Variants in SORCS1 observed in about 807,000 individuals in gnomAD.
SORCS1 encodes the protein sortilin related VPS10 domain containing receptor 1, also known as VPS10 domain-containing receptor SorCS1.
In SORCS1, 60 loss-of-function variants were observed where a neutral mutation model predicts 146.1. That is an observed-to-expected ratio of 0.41 (90% CI 0.33 to 0.51). SORCS1 has a LOEUF of 0.51. SORCS1 is among the 20% of genes least tolerant of loss of function. The pLI is 0.21. For missense variants in SORCS1, 1,352 were observed against 1,487.6 expected (o/e 0.91, Z 1.50); for synonymous variants, 637 against 584.0 (o/e 1.09, Z -1.31).
intron 1 of SORCS1, among the ~76,000 whole-genome samples, chr10:107,110,513 G>A (rs1455870904): frequency 1.3e-5 from 2 of 151,790 alleles, no homozygotes; most frequent in African/African-American, 2.4e-5. Flanking sequence ...GGGAGGAGGG[G>A]CTACAGACTT....
intron 1 of SORCS1, among the ~76,000 whole-genome samples, chr10:107,138,764 G>GA (rs1967553255): frequency 6.6e-6 from 1 of 152,010 alleles, no homozygotes; most frequent in African/African-American, 2.4e-5. Flanking sequence ...CATATTTTGA[G>GA]GAAAAAAATG....
intron 18 of SORCS1, among the ~76,000 whole-genome samples, chr10:106,645,974 T>A (rs1242446679): frequency 6.6e-6 from 1 of 152,116 alleles, no homozygotes; most frequent in Non-Finnish European, 1.5e-5. Context: ...TTAAAATTAG[T>A]ATAATTAGGC....
chr10:106,970,848 C>T lies in SORCS1; in HGVS notation c.559-14268G>A, dbSNP rs951519055. Among the ~76,000 whole-genome samples the T allele has an allele frequency of 3.1e-4, 47 of 152,128 alleles. 1 individual carries two copies. The highest frequency in any genetic ancestry group is 6.2e-4 in the South Asian group (3 of 4,826). ...CCAACTCCCAGGTTCAAGCAATTCT[C>T]CTGACTCAGCCTCCCAAGTAGCTGG... On this transcript the variant is annotated intron_variant, in intron 1 of 25. Transcript: ENST00000263054.
intron 2 of SORCS1, among the ~76,000 whole-genome samples, chr10:106,935,491 A>G (rs1209094410): frequency 6.6e-6 from 1 of 152,178 alleles, no homozygotes; most frequent in Non-Finnish European, 1.5e-5. Context: ...ATGAGTTATA[A>G]TGGATACATT....
chr10:107,130,831 T>A (rs1262026693), intron 1 of SORCS1, among the ~76,000 whole-genome samples: 3 of 152,008 alleles, frequency 2.0e-5, no homozygotes, highest in Admixed American at 2.0e-4. Context: ...CAATGTACAA[T>A]CCAGTTGCGG....
intron 3 of SORCS1, among the ~76,000 whole-genome samples, chr10:106,801,122 T>G (rs1312935264): frequency 6.6e-6 from 1 of 152,188 alleles, no homozygotes; most frequent in Non-Finnish European, 1.5e-5. Flanking sequence ...AACAAAATAT[T>G]TTCTTAATTT....
At chr10:106,769,245 G>C (rs928822911) in intron 4 of SORCS1, among the ~76,000 whole-genome samples, 2 of 151,978 alleles carry the variant, frequency 1.3e-5, no homozygotes, top group African/African-American at 4.8e-5. Context: ...CAGCACTTTG[G>C]GAGGCTGAGG....
intron 15 of SORCS1, among the ~76,000 whole-genome samples, chr10:106,671,870 G>A (rs544728793): frequency 3.2e-4 from 48 of 152,262 alleles, no homozygotes; most frequent in African/African-American, 1.0e-3. Context: ...CCAGACAAGC[G>A]AGAGAGCTAA....
chr10:106,867,212 G>A lies in SORCS1; in HGVS notation c.627-37539C>T, dbSNP rs1950251796. 2.0e-5 allele frequency among the ~76,000 whole-genome samples: 3 copies of A among 152,084 alleles called. No homozygotes were observed. The South Asian group carries it at 6.2e-4, about 32-fold the overall frequency. ...GAAAAAAGGTAGGTCACCTACAAAGGGAATCCCATGAGGCTAACAGTAGAC... is the reference window on the plus strand; with the variant it reads ...GAAAAAAGGTAGGTCACCTACAAAGAGAATCCCATGAGGCTAACAGTAGAC... On this transcript the variant is annotated intron_variant, in intron 2 of 25. Coordinates refer to ENST00000263054, the MANE Select transcript of SORCS1 (RefSeq NM_052918.5).
At chr10:106,881,062 G>A (rs1261365838) in intron 2 of SORCS1, among the ~76,000 whole-genome samples, 3 of 120,076 alleles carry the variant, frequency 2.5e-5, no homozygotes, top group Non-Finnish European at 4.8e-5. Context: ...GGGCAACAGA[G>A]CAAGACTCTG....
intron 4 of SORCS1, among the ~76,000 whole-genome samples, chr10:106,766,059 G>A (rs1168716932): frequency 1.3e-5 from 2 of 152,240 alleles, no homozygotes; most frequent in East Asian, 1.9e-4. Context: ...AGCTTCCCAC[G>A]GTGGCTTCCC....
At position 106,629,332 on chromosome 10, in the gene SORCS1, A is replaced by C. The variant is rs1168328047; in HGVS notation, c.2532T>G (p.Ser844=). The C allele has an allele frequency of 1.3e-5, 21 of 1,614,072 alleles. No individual in the cohort carries two copies. The highest frequency in any genetic ancestry group is 1.7e-5 in the Admixed American group (1 of 60,008). The part of the protein sequence containing the change: ...QVDFGDGIAV[S]YVNLSSMEDG... ...CTTCCATGGAGCTGAGATTGACGTA[A>C]GACACCGCGATACCATCGCCAAAGT... The change falls in exon 19 of 26, where the codon TCT becomes TCG. Residue 844 remains serine (S), a synonymous_variant. Coordinates refer to ENST00000263054, the MANE Select transcript of SORCS1 (RefSeq NM_052918.5).
rs545625060 is a variant in SORCS1, at chr10:106,976,616, C to A, written c.559-20036G>T. Among the ~76,000 whole-genome samples the A allele has an allele frequency of 3.3e-5, 5 of 151,746 alleles. No individual in the cohort carries two copies. The South Asian group carries it at 1.0e-3, about 32-fold the overall frequency. Reference sequence around the variant, plus strand: ...AAAGTGCTGGGATTACAGGCGTGAGCCACCGCGCCCGGCTGCCATCATCTA... The same window carrying A: ...AAAGTGCTGGGATTACAGGCGTGAGACACCGCGCCCGGCTGCCATCATCTA... On this transcript the variant is annotated intron_variant, in intron 1 of 25. Transcript: ENST00000263054.
intron 1 of SORCS1, among the ~76,000 whole-genome samples, chr10:106,957,368 C>T (rs776584816): frequency 1.3e-5 from 2 of 151,892 alleles, no homozygotes; most frequent in East Asian, 1.9e-4. Flanking sequence ...GATGGGGTTT[C>T]GCCATGTTGG....
At chr10:106,701,882 C>T (rs868371488) in intron 8 of SORCS1, among the ~76,000 whole-genome samples, 2 of 152,190 alleles carry the variant, frequency 1.3e-5, no homozygotes, top group South Asian at 2.1e-4. Flanking sequence ...TTAAGCACTC[C>T]TAATAGTGCC....
At chr10:106,645,983 G>A (rs968583270) in intron 18 of SORCS1, among the ~76,000 whole-genome samples, 1 of 151,918 alleles carries the variant, frequency 6.6e-6, no homozygotes, top group Non-Finnish European at 1.5e-5. Flanking sequence ...GTATAATTAG[G>A]CTGGGCGTGG....
chr10:106,618,023 T>C lies in SORCS1; in HGVS notation c.2920+126A>G, dbSNP rs181388022. On this transcript the variant is annotated intron_variant, in intron 21 of 25. Transcript: ENST00000263054. ...GAAGATGAGACTCGCCTCAGCTCTT[T>C]CTCAACTACTGCCCTCCGTTCTCCA... 1.9e-3 allele frequency: 2,415 copies of C among 1,278,984 alleles called. 4 individuals are homozygous for C. Among genetic ancestry groups the C allele is most frequent in the Non-Finnish European group, 2.4e-3 (2,167 of 920,248 alleles). 79.2% of individuals were successfully genotyped at this position (1,278,984 alleles called of 1,614,324 possible).
At chr10:106,968,754 T>G (rs1955629429) in intron 1 of SORCS1, among the ~76,000 whole-genome samples, 1 of 152,040 alleles carries the variant, frequency 6.6e-6, no homozygotes, top group African/African-American at 2.4e-5. Context: ...GCTTTTAACT[T>G]TTTTTTTCAT....
intron 3 of SORCS1, among the ~76,000 whole-genome samples, chr10:106,799,441 G>A (rs570167707): frequency 6.6e-6 from 1 of 152,216 alleles, no homozygotes; most frequent in South Asian, 2.1e-4. Context: ...GAGTGAACAG[G>A]CAACCTACAG....
Sources: gnomAD v4.1 joint callset for allele counts (sites outside exome capture counted in the v4.1 genomes callset) on GRCh38, gnomAD v4.1.1 for gene constraint, MANE v1.5 for transcripts, NCBI Gene and HGNC (gene_info 2026-07-23, HGNC 2026-07-21) for gene names.